The following CEP250 variants were observed in gnomAD, a reference collection of about 807,000 sequenced individuals.
CEP250 encodes the protein centrosomal protein 250.
A neutral mutation model predicts 315.7 loss-of-function variants in CEP250; 242 were observed. The ratio of observed to expected loss-of-function variants is 0.77; its 90% CI spans 0.69 to 0.85. CEP250 has a LOEUF of 0.85. Ranked by LOEUF, CEP250 falls within the 40% of genes least tolerant of loss-of-function variation. The pLI, the probability that CEP250 is intolerant of heterozygous loss-of-function variation, is 0.00. For synonymous variants in CEP250, 1,088 were observed against 1,175.0 expected, an observed-to-expected ratio of 0.93 and a Z score of 1.51; for missense variants, 2,515 against 2,886.4, an observed-to-expected ratio of 0.87 and a Z score of 2.95.
At chr20:35,476,704 T>C (rs543157349) in intron 16 of CEP250, 109 bp downstream of exon 16, 7 of 934,076 alleles carry the variant, frequency 7.5e-6, no homozygotes, top group Non-Finnish European at 1.1e-5. Context: ...ACATTTACAA[T>C]GCAGAGGAGA....
Position 35,512,243 on chromosome 20 carries a change from G to C in CEP250, c.*617G>C, listed in dbSNP as rs2147246387. The C allele has an allele frequency of 5.7e-6, 1 of 176,426 alleles. No homozygotes were observed. The highest frequency in any genetic ancestry group is 1.9e-4 in the East Asian group (1 of 5,272). 10.9% of individuals were successfully genotyped at this position (176,426 alleles called of 1,614,324 possible). On this transcript the variant is annotated 3_prime_UTR_variant, in exon 35 of 35. Transcript: ENST00000397527. ...ACTAGAAGAACTGTAGAAATTCCAGGGGCTGAGGAAGGGAGGCACGAACTG... is the reference window on the plus strand; with the variant it reads ...ACTAGAAGAACTGTAGAAATTCCAGCGGCTGAGGAAGGGAGGCACGAACTG...
At chr20:35,476,653 CG>C (rs1568779910) in intron 16 of CEP250, 58 bp downstream of exon 16, 1 of 1,461,528 alleles carries the variant, frequency 6.8e-7, no homozygotes, top group Non-Finnish European at 9.5e-7. Flanking sequence ...GAGAGCAAGA[CG>C]GATCAGCTCC....
chr20:35,470,554 G>A (rs577372591), intron 10 of CEP250, among the ~76,000 whole-genome samples: 1 of 152,100 alleles, frequency 6.6e-6, no homozygotes, highest in Non-Finnish European at 1.5e-5. Context: ...GTTTGAGACC[G>A]GCCTGACCAA....
At chr20:35,483,014 T>A (rs2063394503) in intron 20 of CEP250, among the ~76,000 whole-genome samples, 1 of 152,192 alleles carries the variant, frequency 6.6e-6, no homozygotes, top group East Asian at 1.9e-4. Flanking sequence ...TTTATTTATT[T>A]ACTCTTTAAA....
At chr20:35,483,800 C>G (rs2063426676) in intron 20 of CEP250, among the ~76,000 whole-genome samples, 1 of 152,032 alleles carries the variant, frequency 6.6e-6, no homozygotes, top group Non-Finnish European at 1.5e-5. Flanking sequence ...ATGCTGTGTT[C>G]TGGATTATTT....
chr20:35,458,021 G>A (rs1389094457), intron 1 of CEP250, among the ~76,000 whole-genome samples: 1 of 152,198 alleles, frequency 6.6e-6, no homozygotes, highest in East Asian at 1.9e-4. Context: ...TCAGGAGTAA[G>A]AAACAAATTA....
intron 23 of CEP250, 183 bp from the exon 24 acceptor site, chr20:35,494,341 C>A: frequency 1.4e-6 from 1 of 705,090 alleles, no homozygotes; most frequent in Non-Finnish European, 2.3e-6. Flanking sequence ...GATGACCAGG[C>A]CGAATTGTAT....
rs1252150627 is a variant in CEP250, at chr20:35,508,945, G to A, written c.6909G>A (p.Val2303=). The change falls in exon 33 of 35, where the codon GTG becomes GTA. Residue 2303 remains valine, a splice_region_variant and synonymous_variant. Coordinates refer to ENST00000397527, the MANE Select transcript of CEP250 (RefSeq NM_007186.6). ...NVQLRSTLEQ[V]ERERRKLKRE... ...ATTTCTTATTTGCACCTTGGCAGGT[G>A]GAGCGAGAACGGAGGAAGCTGAAGA... 1 of 1,552,524 alleles carries A rather than the reference G, an allele frequency of 6.4e-7. No homozygotes were observed. The highest frequency in any genetic ancestry group is 2.0e-5 in the Admixed American group (1 of 51,176).
chr20:35,467,179 G>GGGGGGGGGGCGCCCCC, intron 8 of CEP250, 107 bp downstream of exon 8: 1 of 534,882 alleles, frequency 1.9e-6, no homozygotes, highest in Non-Finnish European at 3.5e-6. Context: ...GGTGGGTGGG[G>GGGGGGGGGGCGCCCCC]GAGTTGGTAG....
At chr20:35,484,820 G>C (rs576641092) in intron 20 of CEP250, among the ~76,000 whole-genome samples, 1 of 152,234 alleles carries the variant, frequency 6.6e-6, no homozygotes, top group South Asian at 2.1e-4. Context: ...CTTTGCAATT[G>C]TAGTGCAAAG....
chr20:35,483,607 C>G (rs1344826489), intron 20 of CEP250, among the ~76,000 whole-genome samples: 1 of 151,502 alleles, frequency 6.6e-6, no homozygotes, highest in Non-Finnish European at 1.5e-5. Flanking sequence ...TGGGCTCAAG[C>G]TGTCCTCTTG....
chr20:35,480,136 G>C lies in CEP250; in HGVS notation c.2577G>C (p.Arg859=). ...ATGAGAAAGAGGTGAACCAGCTCCG[G>C]GAGAAATGGGTAAGTGGTCAATGTG... The part of the protein sequence containing the change: ...AAHEKEVNQL[R]EKWEKERSWH... Residue 859 remains arginine, a synonymous_variant, in exon 20 of 35, where the codon CGG becomes CGC. Coordinates refer to ENST00000397527, the MANE Select transcript of CEP250 (RefSeq NM_007186.6). The C allele has an allele frequency of 1.2e-6, 2 of 1,611,518 alleles. No homozygotes were observed. The highest frequency in any genetic ancestry group is 1.7e-6 in the Non-Finnish European group (2 of 1,179,652).
In CEP250 at chr20:35,458,966, C is replaced by CTTTTTTTTTT. The variant is rs778598883; in HGVS notation, c.-227+611_-227+620dup. On this transcript the variant is annotated intron_variant, in intron 2 of 34. Transcript: ENST00000397527. ...ATGGTATATTTGCTATAATGCAAAT[C>CTTTTTTTTTT]TTTTTTTTTTTTTTTTTTTTTTTTT... Among the ~76,000 whole-genome samples, 5 of 59,228 alleles carry CTTTTTTTTTT rather than the reference C, an allele frequency of 8.4e-5. 1 individual carries two copies. The highest frequency in any genetic ancestry group is 3.0e-4 in the African/African-American group (4 of 13,286). The allele number at this position is 59,228 out of a possible 152,430, so 38.9% of individuals were successfully genotyped here.
At chr20:35,497,579 C>G in intron 25 of CEP250, 140 bp from the exon 26 acceptor site, 1 of 648,488 alleles carries the variant, frequency 1.5e-6, no homozygotes, top group Non-Finnish European at 2.7e-6. Context: ...CAGAGCCCCT[C>G]TACCTGCCTG....
At chr20:35,461,368 A>T (rs1398451099) in intron 3 of CEP250, among the ~76,000 whole-genome samples, 1 of 150,108 alleles carries the variant, frequency 6.7e-6, no homozygotes, top group African/African-American at 2.5e-5. Context: ...AGCCCATTGG[A>T]GGCAGAGCTT....
chr20:35,460,562 C>T (rs1239507396), intron 3 of CEP250, among the ~76,000 whole-genome samples: 1 of 152,102 alleles, frequency 6.6e-6, no homozygotes, highest in Admixed American at 6.6e-5. Context: ...TTCAACTGCA[C>T]GGAGCGCGTG....
intron 27 of CEP250, 54 bp from the exon 28 acceptor site, chr20:35,499,995 A>G (rs2063956788): frequency 2.5e-6 from 4 of 1,610,474 alleles, no homozygotes; most frequent in Non-Finnish European, 2.5e-6. Context: ...TGAGCCCTGC[A>G]TTGTTTTGTG....
intron 22 of CEP250, 23 bp from the exon 23 acceptor site, chr20:35,493,406 A>G (rs2063750768): frequency 6.5e-7 from 1 of 1,532,428 alleles, no homozygotes; most frequent in Non-Finnish European, 8.8e-7. Flanking sequence ...TCCTCTACTC[A>G]ATGATTTCTT....
intron 18 of CEP250, 64 bp from the exon 19 acceptor site, chr20:35,479,582 T>C (rs1415676960): frequency 1.3e-6 from 2 of 1,588,656 alleles, no homozygotes; most frequent in Non-Finnish European, 1.7e-6. Context: ...AGAACCCAGC[T>C]CCTCTTGAGG....
Sources: allele counts gnomAD v4.1 joint callset (sites outside exome capture counted in the v4.1 genomes callset), GRCh38; gene constraint gnomAD v4.1.1; transcripts MANE v1.5; gene names NCBI Gene and HGNC (gene_info 2026-07-23, HGNC 2026-07-21).